OPHN1: variants seen among roughly 807,000 people sequenced by gnomAD.
The protein encoded by OPHN1 is oligophrenin 1, also known as oligophrenin-1.
OPHN1 carries 11 observed loss-of-function variants against 60.7 expected under a neutral mutation model. The observed-to-expected ratio is 0.18, with a 90% CI of 0.11 to 0.30. The LOEUF is 0.30. OPHN1 is among the 10% of genes least tolerant of loss of function. The probability of loss-of-function intolerance (pLI) is 1.00; values close to 1 mark genes in which losing one functional copy is unlikely to be tolerated. For missense variants in OPHN1, 449 were observed against 611.0 expected (o/e 0.73, Z 2.80); for synonymous variants, 226 against 222.6 (o/e 1.02, Z -0.14).
At chrX:68,235,731 G>A (rs1171893710) in intron 5 of OPHN1, among the ~76,000 whole-genome samples, 3 of 109,240 alleles carry the variant, frequency 2.7e-5, no homozygotes, top group Admixed American at 9.8e-5. Flanking sequence ...GGTGGTGCAC[G>A]CCTGTAATCC....
intron 2 of OPHN1, among the ~76,000 whole-genome samples, chrX:68,321,656 G>A (rs758325617): frequency 1.8e-5 from 2 of 112,098 alleles, no homozygotes; most frequent in South Asian, 7.4e-4. Flanking sequence ...GGCATAACAC[G>A]GTGGCTCATG....
chrX:68,243,170 A>G (rs1434028067), intron 5 of OPHN1, among the ~76,000 whole-genome samples: 4 of 111,123 alleles, frequency 3.6e-5, no homozygotes, highest in African/African-American at 1.3e-4. Flanking sequence ...TGGCTAGAAT[A>G]AGAAAATTCA....
intron 19 of OPHN1, among the ~76,000 whole-genome samples, chrX:68,083,159 G>A (rs894295226): frequency 1.0e-4 from 9 of 87,765 alleles, no homozygotes; most frequent in African/African-American, 3.0e-4. Flanking sequence ...TGCAAGCTCC[G>A]CTTCCCGGGT....
chrX:68,209,466 T>C (rs748138588), intron 9 of OPHN1, among the ~76,000 whole-genome samples: 18 of 111,638 alleles, frequency 1.6e-4, no homozygotes, highest in African/African-American at 5.8e-4. Flanking sequence ...CTCAGGAGGC[T>C]GAGGTAGGAG....
intron 2 of OPHN1, among the ~76,000 whole-genome samples, chrX:68,415,070 C>T (rs2078787444): frequency 8.9e-6 from 1 of 111,931 alleles, no homozygotes; most frequent in Non-Finnish European, 1.9e-5. Flanking sequence ...CATTCTTTCT[C>T]TAGCCACGTC....
chrX:68,133,950 G>A (rs2077208857), intron 15 of OPHN1, among the ~76,000 whole-genome samples: 1 of 110,839 alleles, frequency 9.0e-6, no homozygotes, highest in South Asian at 3.8e-4. Context: ...GGACGTGCTT[G>A]GATCACCTGA....
chrX:68,117,244 G>A (rs1251053876), intron 16 of OPHN1, among the ~76,000 whole-genome samples: 1 of 110,896 alleles, frequency 9.0e-6, no homozygotes, highest in Non-Finnish European at 1.9e-5. Context: ...AAGTCTTTGC[G>A]TATTCATTTC....
intron 2 of OPHN1, among the ~76,000 whole-genome samples, chrX:68,382,141 A>G (rs780847544): frequency 1.5e-4 from 17 of 111,112 alleles, no homozygotes; most frequent in South Asian, 7.7e-4. Context: ...TGAGGTCAGG[A>G]GTTCAAGACC....
chrX:68,141,170 TA>T (rs1327045911), intron 15 of OPHN1, among the ~76,000 whole-genome samples: 1 of 110,127 alleles, frequency 9.1e-6, no homozygotes, highest in Non-Finnish European at 1.9e-5. Flanking sequence ...ACAAAGGGGG[TA>T]AAGGTCAAGG....
At chrX:68,173,474 A>G (rs2077400155) in intron 15 of OPHN1, among the ~76,000 whole-genome samples, 2 of 111,482 alleles carry the variant, frequency 1.8e-5, no homozygotes, top group South Asian at 7.6e-4. Flanking sequence ...AGCATCTGCC[A>G]GTATAAAATA....
intron 2 of OPHN1, among the ~76,000 whole-genome samples, chrX:68,313,290 G>A (rs758422380): frequency 1.8e-4 from 20 of 111,022 alleles, no homozygotes; most frequent in African/African-American, 6.5e-4. Context: ...AAATTGAGCT[G>A]CCGTATGATC....
At chrX:68,146,813 T>C (rs768130051) in intron 15 of OPHN1, among the ~76,000 whole-genome samples, 1 of 112,193 alleles carries the variant, frequency 8.9e-6, no homozygotes, top group East Asian at 2.8e-4. Context: ...GGTGTGTGTG[T>C]TTGTGTGTGT....
intron 2 of OPHN1, among the ~76,000 whole-genome samples, chrX:68,375,521 T>A (rs1055583929): frequency 5.4e-5 from 6 of 111,342 alleles, no homozygotes; most frequent in Admixed American, 2.9e-4. Context: ...CTATTTTACT[T>A]AGATGAGAAG....
Position 68,052,601 on chromosome X carries a change from A to G in OPHN1, c.2325-11T>C, listed in dbSNP as rs2076856785. ...GTCCTGGAAGCCACCCTGCAAACAGAAGCCAACCAAGTCCCATAAGTTGCT... is the reference window on the plus strand; with the variant it reads ...GTCCTGGAAGCCACCCTGCAAACAGGAGCCAACCAAGTCCCATAAGTTGCT... On this transcript the variant is annotated splice_polypyrimidine_tract_variant and intron_variant, in intron 22 of 24. Coordinates refer to ENST00000355520, the MANE Select transcript of OPHN1 (RefSeq NM_002547.3). The G allele has an allele frequency of 8.3e-7, 1 of 1,203,584 alleles. No homozygotes were observed.
chrX:68,093,944 T>C (rs1342510826), intron 19 of OPHN1, among the ~76,000 whole-genome samples: 1 of 111,240 alleles, frequency 9.0e-6, no homozygotes, highest in Non-Finnish European at 1.9e-5. Context: ...ATTTTTTTTC[T>C]TTAATGGATT....
At chrX:68,069,956 G>A (rs947946620) in intron 20 of OPHN1, among the ~76,000 whole-genome samples, 1 of 111,370 alleles carries the variant, frequency 9.0e-6, no homozygotes, top group African/African-American at 3.3e-5. Flanking sequence ...AGAAATGAAG[G>A]TCACAGAAAT....
At chrX:68,103,338 T>C (rs1161196351) in intron 18 of OPHN1, among the ~76,000 whole-genome samples, 1 of 112,001 alleles carries the variant, frequency 8.9e-6, no homozygotes, top group East Asian at 2.8e-4. Flanking sequence ...CACTTCATGC[T>C]AAAAACTCTC....
intron 15 of OPHN1, among the ~76,000 whole-genome samples, chrX:68,122,665 A>G (rs1008404791): frequency 1.8e-5 from 2 of 110,934 alleles, no homozygotes; most frequent in Non-Finnish European, 3.8e-5. Context: ...AATTTTAAAA[A>G]TCAAGCAGAA....
intron 5 of OPHN1, among the ~76,000 whole-genome samples, chrX:68,251,623 T>C (rs749263967): frequency 9.0e-6 from 1 of 111,678 alleles, no homozygotes; most frequent in Admixed American, 9.5e-5. Context: ...TACATCCTTA[T>C]CTAGGTAAGT....
Sources: allele counts gnomAD v4.1 joint callset (sites outside exome capture counted in the v4.1 genomes callset), GRCh38; gene constraint gnomAD v4.1.1; transcripts MANE v1.5; gene names NCBI Gene and HGNC (gene_info 2026-07-23, HGNC 2026-07-21).